TCP11X1: variants seen among roughly 807,000 people sequenced by gnomAD.
TCP11X1 encodes T-complex protein 11-like X-linked protein 1.
For synonymous variants in TCP11X1, 2 were observed against 6.3 expected, an observed-to-expected ratio of 0.32 and a Z score of 1.02; for missense variants, 2 against 15.4, an observed-to-expected ratio of 0.13 and a Z score of 1.45.
chrX:102,220,693 ATATTTTTTT>A (rs1933721282), intron 2 of TCP11X1, among the ~76,000 whole-genome samples: 2 of 25,344 alleles, frequency 7.9e-5, no homozygotes, highest in African/African-American at 3.4e-4. Context: ...ATATATATAT[ATATTTTTTT>A]TTTTTTTTTT....
At chrX:102,220,663 G>A (rs1285174322) in intron 2 of TCP11X1, among the ~76,000 whole-genome samples, 1 of 34,683 alleles carries the variant, frequency 2.9e-5, no homozygotes, top group Non-Finnish European at 5.0e-5. Context: ...GTGTGTGTGT[G>A]TATATACATA....
chrX:102,220,695 A>ATTTTTTTTTTTTTTTT (rs1179399956), intron 2 of TCP11X1, among the ~76,000 whole-genome samples: 2 of 16,396 alleles, frequency 1.2e-4, no homozygotes, highest in Admixed American at 1.4e-3. Context: ...ATATATATAT[A>ATTTTTTTTTTTTTTTT]TTTTTTTTTT....
chrX:102,220,587 G>A, intron 2 of TCP11X1, among the ~76,000 whole-genome samples: 1 of 34,916 alleles, frequency 2.9e-5, no homozygotes, highest in Non-Finnish European at 4.4e-5. Context: ...TTGTATTTTT[G>A]TAAACAGAAA....
chrX:102,223,862 C>T lies in TCP11X1; in HGVS notation c.807C>T (p.Ser269=). The T allele has an allele frequency of 1.0e-5, 3 of 291,133 alleles. 1 individual carries two copies. The highest frequency in any genetic ancestry group is 1.4e-4 in the South Asian group (1 of 7,108). The allele number at this position is 291,133 out of a possible 1,213,427, so 24.0% of individuals were successfully genotyped here. ...CTGACTCACCTAGCTCCTCCTGCAGCATGGTGTGTTCACTTCCAAGCGGGG... is the reference window on the plus strand; with the variant it reads ...CTGACTCACCTAGCTCCTCCTGCAGTATGGTGTGTTCACTTCCAAGCGGGG... The change falls in exon 6 of 9, where the codon AGC becomes AGT. Residue 269 remains serine, a synonymous_variant. Coordinates refer to ENST00000622971, the Ensembl canonical transcript of TCP11X1.
Sources: gnomAD v4.1 joint callset for allele counts (sites outside exome capture counted in the v4.1 genomes callset) on GRCh38, gnomAD v4.1.1 for gene constraint, MANE v1.5 for transcripts, NCBI Gene and HGNC (gene_info 2026-07-23, HGNC 2026-07-21) for gene names.